Variants in APOOL observed in about 807,000 individuals in gnomAD.
The protein encoded by APOOL is MICOS complex subunit MIC27.
In APOOL, 12 loss-of-function variants were observed where a neutral mutation model predicts 23.1. The ratio of observed to expected loss-of-function variants is 0.52; its 90% CI spans 0.33 to 0.84. The LOEUF (loss-of-function observed/expected upper bound fraction) is 0.84, where lower values mean the gene tolerates loss of function less well. Ranked by LOEUF, APOOL falls within the 40% of genes least tolerant of loss-of-function variation. APOOL has a pLI of 0.02. For missense variants in APOOL, 212 were observed against 199.6 expected, an observed-to-expected ratio of 1.06 and a Z score of -0.37; for synonymous variants, 77 against 69.9, an observed-to-expected ratio of 1.10 and a Z score of -0.51.
chrX:85,007,508 T>C (rs955699278), intron 1 of APOOL, among the ~76,000 whole-genome samples: 2 of 108,697 alleles, frequency 1.8e-5, no homozygotes, highest in African/African-American at 6.7e-5. Flanking sequence ...ATGAGGGAAA[T>C]TTCAAGCATT....
intron 1 of APOOL, among the ~76,000 whole-genome samples, chrX:85,020,180 G>C (rs1236887754): frequency 1.8e-5 from 2 of 111,905 alleles, no homozygotes; most frequent in Non-Finnish European, 3.8e-5. Context: ...GGCAGAGTAG[G>C]ATGCTCCAGC....
chrX:85,067,163 T>G lies in APOOL; in HGVS notation c.431T>G (p.Leu144Arg), dbSNP rs1923486709. 6 of 1,162,663 alleles carry G rather than the reference T, an allele frequency of 5.2e-6. No individual in the cohort carries two copies. The highest frequency in any genetic ancestry group is 6.9e-6 in the Non-Finnish European group (6 of 869,182). Residue 144 changes from leucine (L) to arginine (R), a missense_variant, in exon 6 of 9, where the codon CTG (leucine) becomes CGG (arginine). By Grantham distance (102) the Leu-to-Arg change is moderately radical (BLOSUM62 -2). Coordinates refer to ENST00000373173, the MANE Select transcript of APOOL (RefSeq NM_198450.6). ...KFKKITYPLGLATLGATVCYP... is the reference protein window; with the variant it reads ...KFKKITYPLGRATLGATVCYP... ...AAGAAAATTACTTATCCTCTGGGAC[T>G]GGCCACTTTAGGAGCAACTGTTTGC...
chrX:85,070,882 C>T (rs2147660164), intron 6 of APOOL, among the ~76,000 whole-genome samples: 1 of 110,775 alleles, frequency 9.0e-6, no homozygotes, highest in East Asian at 2.8e-4. Flanking sequence ...TTCATTGCAG[C>T]ATTATTCACA....
At chrX:85,045,338 C>T (rs1226160889) in intron 1 of APOOL, among the ~76,000 whole-genome samples, 2 of 111,630 alleles carry the variant, frequency 1.8e-5, no homozygotes, top group South Asian at 3.7e-4. Context: ...GAGTCCTGCC[C>T]AGTTTAAACA....
chrX:85,014,333 T>C lies in APOOL; in HGVS notation c.15+10406T>C, dbSNP rs141801900. On this transcript the variant is annotated intron_variant, in intron 1 of 8. Coordinates refer to ENST00000373173, the MANE Select transcript of APOOL (RefSeq NM_198450.6). ...TACTATCAGCGTTAGTATTGAGATGTGAGGTACTGTTCTATTTATCATGCT... is the reference window on the plus strand; with the variant it reads ...TACTATCAGCGTTAGTATTGAGATGCGAGGTACTGTTCTATTTATCATGCT... Among the ~76,000 whole-genome samples, 664 of 111,568 alleles carry C rather than the reference T, an allele frequency of 6.0e-3. 4 individuals are homozygous for C. Among genetic ancestry groups the C allele is most frequent in the African/African-American group, 0.02 (630 of 30,754 alleles).
chrX:85,044,016 T>G (rs1365366505), intron 1 of APOOL, among the ~76,000 whole-genome samples: 1 of 111,629 alleles, frequency 9.0e-6, no homozygotes, highest in Non-Finnish European at 1.9e-5. Context: ...AATTAAGACA[T>G]TTTCTAGAAT....
At position 85,054,345 on chromosome X, in the gene APOOL, G is replaced by A; in HGVS notation, c.242G>A (p.Gly81Asp). ...ATGCYIGWCK[G>D]VYVFVKNGIM... ...TTCCCCCCCTTTTTTTTTGCTTAGGGTGTTTATGTCTTTGTGAAAAATGGG... is the reference window on the plus strand; with the variant it reads ...TTCCCCCCCTTTTTTTTTGCTTAGGATGTTTATGTCTTTGTGAAAAATGGG... The change falls in exon 4 of 9, where the codon GGT (glycine) becomes GAT (aspartate). Residue 81 changes from glycine to aspartate, a missense_variant and splice_region_variant. Transcript: ENST00000373173. The A allele has an allele frequency of 8.4e-7, 1 of 1,184,739 alleles. No individual in the cohort carries two copies. The highest frequency in any genetic ancestry group is 1.1e-6 in the Non-Finnish European group (1 of 882,036).
At chrX:85,057,912 A>T (rs190444191) in intron 5 of APOOL, among the ~76,000 whole-genome samples, 4 of 110,981 alleles carry the variant, frequency 3.6e-5, no homozygotes, top group African/African-American at 1.3e-4. Context: ...AACTTATACC[A>T]TTCTTGTAAG....
At chrX:85,060,793 G>A (rs1923183364) in intron 5 of APOOL, among the ~76,000 whole-genome samples, 1 of 111,263 alleles carries the variant, frequency 9.0e-6, no homozygotes, top group Non-Finnish European at 1.9e-5. Context: ...GAGACGATGG[G>A]GTTTTCTAGA....
chrX:85,092,125 T>TA lies in APOOL; in HGVS notation c.*4453dup, dbSNP rs1184877159. 1 of 266,878 alleles carries TA rather than the reference T, an allele frequency of 3.7e-6. No individual in the cohort carries two copies. The highest frequency in any genetic ancestry group is 6.6e-6 in the Non-Finnish European group (1 of 151,463). The allele number at this position is 266,878 out of a possible 1,213,427, so 22.0% of individuals were successfully genotyped here. On this transcript the variant is annotated 3_prime_UTR_variant, in exon 9 of 9. Coordinates refer to ENST00000373173, the MANE Select transcript of APOOL (RefSeq NM_198450.6). The stretch of plus-strand genomic sequence containing the variant: ...CTTAATTTTGATGAAATATGATAGG[T>TA]AAAAAATAGCGCAAAGCTAAGTATA...
chrX:85,082,315 T>C (rs1279521150), intron 8 of APOOL, among the ~76,000 whole-genome samples: 1 of 111,691 alleles, frequency 9.0e-6, no homozygotes, highest in Admixed American at 9.6e-5. Context: ...GCTATTCCTT[T>C]CTGTTTGTTA....
At chrX:85,026,187 C>T (rs1316375736) in intron 1 of APOOL, among the ~76,000 whole-genome samples, 2 of 113,530 alleles carry the variant, frequency 1.8e-5, no homozygotes, top group Admixed American at 9.2e-5. Context: ...CTTGCATTCT[C>T]CAGAGTGGTA....
At chrX:85,033,432 T>C (rs1389088632) in intron 1 of APOOL, among the ~76,000 whole-genome samples, 1 of 112,141 alleles carries the variant, frequency 8.9e-6, no homozygotes, top group African/African-American at 3.2e-5. Flanking sequence ...CTATGCATCA[T>C]TTTAAATGGC....
At chrX:85,004,567 T>C (rs1411476999) in intron 1 of APOOL, among the ~76,000 whole-genome samples, 1 of 112,073 alleles carries the variant, frequency 8.9e-6, no homozygotes, top group Non-Finnish European at 1.9e-5. Flanking sequence ...GATATTTACG[T>C]AGCGGGTTTT....
At chrX:85,003,974 C>G in intron 1 of APOOL, 47 bp downstream of exon 1, 1 of 1,202,837 alleles carries the variant, frequency 8.3e-7, no homozygotes, top group Non-Finnish European at 1.1e-6. Flanking sequence ...CCGATAGCAT[C>G]CCGGTAACTG....
Position 85,088,345 on chromosome X carries a change from T to TTTC in APOOL, c.*667_*668insTTC, listed in dbSNP as rs1924438508. On this transcript the variant is annotated 3_prime_UTR_variant, in exon 9 of 9. Coordinates refer to ENST00000373173, the MANE Select transcript of APOOL (RefSeq NM_198450.6). ...TTTTTTTTTTTTTTTTTTTTTTTTTTCCCATTTCCTAGAGCTGGAATAAAA... is the reference window on the plus strand; with the variant it reads ...TTTTTTTTTTTTTTTTTTTTTTTTTTTTCCCCATTTCCTAGAGCTGGAATAAAA... The TTTC allele has an allele frequency of 2.4e-5, 2 of 84,836 alleles. No homozygotes were observed. The highest frequency in any genetic ancestry group is 9.0e-5 in the African/African-American group (2 of 22,108). The allele number at this position is 84,836 out of a possible 1,213,427, so 7.0% of individuals were successfully genotyped here. A position where few individuals can be genotyped will look rare whatever the true frequency, so the allele number is the denominator to read the frequency against.
chrX:85,022,494 AT>A (rs1354854282), intron 1 of APOOL, among the ~76,000 whole-genome samples: 1 of 112,234 alleles, frequency 8.9e-6, no homozygotes, highest in African/African-American at 3.2e-5. Context: ...CCATATGATC[AT>A]GTCAATAGAT....
At chrX:85,041,327 A>C (rs1423023570) in intron 1 of APOOL, among the ~76,000 whole-genome samples, 1 of 111,350 alleles carries the variant, frequency 9.0e-6, no homozygotes, top group Admixed American at 9.5e-5. Flanking sequence ...TCTCAGCCTG[A>C]GTGTAGTAGA....
rs1233884202 is a variant in APOOL, at chrX:85,088,089, AATACAT to A, written c.*420_*425del. 0.084 allele frequency: 47 copies of A among 562 alleles called. 2 individuals carry two copies. Among genetic ancestry groups the A allele is most frequent in the Non-Finnish European group, 0.094 (26 of 277 alleles). The allele number at this position is 562 out of a possible 1,213,427, so 0.0% of individuals were successfully genotyped here. On this transcript the variant is annotated 3_prime_UTR_variant, in exon 9 of 9. Transcript: ENST00000373173. ...ATAAATACATATACATATATGTATAAATACATATACATATTTATACATATATGTATA... is the reference window on the plus strand; with the variant it reads ...ATAAATACATATACATATATGTATAAATACATATTTATACATATATGTATA...
Sources: gnomAD v4.1 joint callset for allele counts (sites outside exome capture counted in the v4.1 genomes callset) on GRCh38, gnomAD v4.1.1 for gene constraint, MANE v1.5 for transcripts, NCBI Gene and HGNC (gene_info 2026-07-23, HGNC 2026-07-21) for gene names.